EYS: variants seen among roughly 807,000 people sequenced by gnomAD.
The protein encoded by EYS is protein eyes shut homolog.
EYS carries 250 observed loss-of-function variants against 282.1 expected under a neutral mutation model. The observed-to-expected ratio is 0.89, with a 90% CI of 0.80 to 0.98. The LOEUF (loss-of-function observed/expected upper bound fraction) is 0.98, where lower values mean the gene tolerates loss of function less well. Ranked by LOEUF, EYS falls within the 50% of genes least tolerant of loss-of-function variation. EYS has a pLI of 0.00. For missense variants in EYS, 4,016 were observed against 3,709.0 expected, an observed-to-expected ratio of 1.08 and a Z score of -2.15; for synonymous variants, 1,355 against 1,282.9, an observed-to-expected ratio of 1.06 and a Z score of -1.20.
chr6:65,014,611 A>T (rs1771984522), intron 13 of EYS, among the ~76,000 whole-genome samples: 1 of 152,166 alleles, frequency 6.6e-6, no homozygotes, highest in African/African-American at 2.4e-5. Flanking sequence ...CAGGAGATTG[A>T]AAACAAATCA....
intron 4 of EYS, among the ~76,000 whole-genome samples, chr6:65,492,223 TA>T (rs1340417811): frequency 6.6e-6 from 1 of 152,102 alleles, no homozygotes; most frequent in Admixed American, 6.6e-5. Context: ...CTTAATGTTA[TA>T]AAAATAAGTA....
chr6:65,452,245 TATC>T (rs1363083412), intron 5 of EYS, among the ~76,000 whole-genome samples: 1 of 151,812 alleles, frequency 6.6e-6, no homozygotes, highest in Non-Finnish European at 1.5e-5. Flanking sequence ...GGGATATTTT[TATC>T]ATTTTTATAG....
intron 22 of EYS, among the ~76,000 whole-genome samples, chr6:64,669,881 G>A (rs940340924): frequency 6.6e-6 from 1 of 152,040 alleles, no homozygotes; most frequent in East Asian, 1.9e-4. Flanking sequence ...GACCAAAAAA[G>A]GCCTTAACAT....
At chr6:65,417,490 T>C (rs1169715610) in intron 5 of EYS, among the ~76,000 whole-genome samples, 2 of 152,044 alleles carry the variant, frequency 1.3e-5, no homozygotes, top group African/African-American at 4.8e-5. Context: ...GCAAGGAGAT[T>C]AAAACCCAAT....
intron 2 of EYS, among the ~76,000 whole-genome samples, chr6:65,514,925 C>G (rs1236531072): frequency 6.6e-6 from 1 of 152,024 alleles, no homozygotes; most frequent in Non-Finnish European, 1.5e-5. Context: ...GCAACAAAAG[C>G]CAAAATTGAC....
chr6:64,896,957 C>G (rs1413672821), intron 18 of EYS, among the ~76,000 whole-genome samples: 1 of 152,166 alleles, frequency 6.6e-6, no homozygotes, highest in Non-Finnish European at 1.5e-5. Flanking sequence ...CAGCCCCACT[C>G]AGGGGCTTAT....
intron 26 of EYS, among the ~76,000 whole-genome samples, chr6:64,573,601 A>C (rs769233933): frequency 6.6e-6 from 1 of 152,208 alleles, no homozygotes; most frequent in African/African-American, 2.4e-5. Flanking sequence ...AATCCCGTCA[A>C]AAAGTGGGCA....
intron 26 of EYS, among the ~76,000 whole-genome samples, chr6:64,533,038 T>C (rs949672931): frequency 6.6e-6 from 1 of 152,134 alleles, no homozygotes; most frequent in African/African-American, 2.4e-5. Context: ...TTAATTCTGA[T>C]AGACAAGCTA....
chr6:65,358,525 G>A (rs929120518), intron 8 of EYS, among the ~76,000 whole-genome samples: 5 of 151,634 alleles, frequency 3.3e-5, no homozygotes, highest in African/African-American at 1.2e-4. Flanking sequence ...TGAAATTAAG[G>A]AGGATGAGTA....
At chr6:64,474,760 T>C (rs576641922) in intron 26 of EYS, among the ~76,000 whole-genome samples, 8 of 152,354 alleles carry the variant, frequency 5.3e-5, no homozygotes, top group African/African-American at 1.9e-4. Context: ...AAACAATCTT[T>C]GTAGTCAGAA....
chr6:64,166,690 C>T (rs1391460267), intron 31 of EYS, among the ~76,000 whole-genome samples: 4 of 152,130 alleles, frequency 2.6e-5, no homozygotes, highest in Non-Finnish European at 5.9e-5. Context: ...AAGACATGAT[C>T]AATAGCACCA....
intron 13 of EYS, among the ~76,000 whole-genome samples, chr6:65,012,652 C>T (rs1771910084): frequency 1.3e-5 from 2 of 150,886 alleles, no homozygotes; most frequent in South Asian, 4.2e-4. Context: ...CAGTTCTGAC[C>T]ACAAGAAAAA....
chr6:63,807,235 C>T (rs1203620205), intron 36 of EYS, among the ~76,000 whole-genome samples: 9 of 152,130 alleles, frequency 5.9e-5, no homozygotes, highest in Admixed American at 5.9e-4. Context: ...TGGATGATGT[C>T]ACCAGATTAA....
At chr6:64,743,473 T>C (rs201460143) in intron 22 of EYS, among the ~76,000 whole-genome samples, 2 of 139,438 alleles carry the variant, frequency 1.4e-5, no homozygotes, top group South Asian at 4.4e-4. Flanking sequence ...CAATTTTCAA[T>C]TTTTTTTCTA....
intron 35 of EYS, among the ~76,000 whole-genome samples, chr6:63,869,555 C>T (rs1191097818): frequency 6.6e-6 from 1 of 152,110 alleles, no homozygotes; most frequent in African/African-American, 2.4e-5. Flanking sequence ...AGTTTTGCTT[C>T]CAAGGGAGCA....
chr6:64,954,065 C>A (rs1457893360), intron 14 of EYS, among the ~76,000 whole-genome samples: 10 of 151,514 alleles, frequency 6.6e-5, no homozygotes, highest in Non-Finnish European at 1.5e-4. Context: ...AGAAAACAAA[C>A]ATTAAGTATA....
At chr6:65,080,360 G>A (rs1248467594) in intron 12 of EYS, among the ~76,000 whole-genome samples, 1 of 152,120 alleles carries the variant, frequency 6.6e-6, no homozygotes, top group Non-Finnish European at 1.5e-5. Flanking sequence ...GAGTTTGGCT[G>A]AAGTTGTCCT....
intron 22 of EYS, among the ~76,000 whole-genome samples, chr6:64,685,619 G>C (rs368476272): frequency 3.9e-5 from 6 of 152,170 alleles, no homozygotes; most frequent in Admixed American, 1.3e-4. Flanking sequence ...ATTCCTCCAC[G>C]AGTGGAAACA....
intron 33 of EYS, among the ~76,000 whole-genome samples, chr6:64,026,257 G>A (rs1259459796): frequency 1.3e-5 from 2 of 152,102 alleles, no homozygotes; most frequent in African/African-American, 4.8e-5. Flanking sequence ...GTGTTGGTGA[G>A]TGCAACTATT....
Sources: gnomAD v4.1 joint callset for allele counts (sites outside exome capture counted in the v4.1 genomes callset) on GRCh38, gnomAD v4.1.1 for gene constraint, MANE v1.5 for transcripts, NCBI Gene and HGNC (gene_info 2026-07-23, HGNC 2026-07-21) for gene names.